The following RBFOX1 variants were observed in gnomAD, a reference collection of about 807,000 sequenced individuals.
RBFOX1 encodes the protein RNA binding protein fox-1 homolog 1.
In RBFOX1, 8 loss-of-function variants were observed where a neutral mutation model predicts 57.7. The observed-to-expected ratio is 0.14, with a 90% CI of 0.08 to 0.25. The LOEUF (loss-of-function observed/expected upper bound fraction) is 0.25, where lower values mean the gene tolerates loss of function less well. RBFOX1 is among the 10% of genes least tolerant of loss of function. The pLI is 1.00. For synonymous variants in RBFOX1, 326 were observed against 222.4 expected, an observed-to-expected ratio of 1.47 and a Z score of -4.15; for missense variants, 611 against 548.5, an observed-to-expected ratio of 1.11 and a Z score of -1.14.
chr16:5,449,856 C>A (rs1034900725), intron 1 of RBFOX1, among the ~76,000 whole-genome samples: 4 of 152,178 alleles, frequency 2.6e-5, no homozygotes, highest in South Asian at 2.1e-4. Flanking sequence ...GATCGTCCCA[C>A]CTCAGCCTCC....
intron 1 of RBFOX1, among the ~76,000 whole-genome samples, chr16:6,149,304 C>T (rs915499612): frequency 2.0e-5 from 3 of 152,216 alleles, no homozygotes; most frequent in African/African-American, 7.2e-5. Flanking sequence ...GTCTGTTGTT[C>T]CCTTTACCAG....
At chr16:7,252,326 T>C (rs575041396) in intron 4 of RBFOX1, among the ~76,000 whole-genome samples, 1 of 152,318 alleles carries the variant, frequency 6.6e-6, no homozygotes, top group African/African-American at 2.4e-5. Context: ...ATAAGGAAAG[T>C]GGAAAACAAA....
chr16:6,230,866 G>A (rs1020255128), intron 1 of RBFOX1, among the ~76,000 whole-genome samples: 1 of 152,162 alleles, frequency 6.6e-6, no homozygotes, highest in Non-Finnish European at 1.5e-5. Context: ...TGGTGTGGAT[G>A]ATTCACTCAC....
intron 4 of RBFOX1, among the ~76,000 whole-genome samples, chr16:7,212,580 C>T (rs2091349050): frequency 6.6e-6 from 1 of 152,078 alleles, no homozygotes; most frequent in Non-Finnish European, 1.5e-5. Context: ...AGTAGTCTCA[C>T]ATCCCTTGAA....
chr16:6,990,300 G>C (rs896985756), intron 3 of RBFOX1, among the ~76,000 whole-genome samples: 26 of 152,046 alleles, frequency 1.7e-4, no homozygotes, highest in African/African-American at 6.0e-4. Flanking sequence ...CGAGGCGGGT[G>C]GGTCACCTGA....
intron 4 of RBFOX1, among the ~76,000 whole-genome samples, chr16:7,246,945 A>T (rs1375155542): frequency 6.6e-6 from 1 of 152,152 alleles, no homozygotes; most frequent in Non-Finnish European, 1.5e-5. Context: ...CAGGGATGAG[A>T]ACAGTGTCTC....
intron 4 of RBFOX1, among the ~76,000 whole-genome samples, chr16:7,427,579 C>T (rs1416712592): frequency 6.6e-6 from 1 of 152,012 alleles, no homozygotes; most frequent in Non-Finnish European, 1.5e-5. Flanking sequence ...TTCCCTTGCC[C>T]AAGCTAATTT....
intron 2 of RBFOX1, among the ~76,000 whole-genome samples, chr16:6,603,627 C>G (rs1411607540): frequency 1.3e-5 from 2 of 152,144 alleles, no homozygotes; most frequent in African/African-American, 4.8e-5. Context: ...CGGGCAGCCG[C>G]TATGTGCAGC....
chr16:6,488,660 A>G (rs1165497171), intron 2 of RBFOX1, among the ~76,000 whole-genome samples: 11 of 152,196 alleles, frequency 7.2e-5, no homozygotes, highest in Admixed American at 7.2e-4. Flanking sequence ...AGCATTTAGA[A>G]TCTGTTTACA....
chr16:5,641,396 C>G (rs770912657), intron 3 of RBFOX1, among the ~76,000 whole-genome samples: 1 of 152,188 alleles, frequency 6.6e-6, no homozygotes, highest in Admixed American at 6.5e-5. Context: ...GCTGCAGTGT[C>G]CAGTAGTAGT....
chr16:6,906,337 C>T (rs563227510), intron 3 of RBFOX1, among the ~76,000 whole-genome samples: 1 of 151,846 alleles, frequency 6.6e-6, no homozygotes, highest in African/African-American at 2.4e-5. Flanking sequence ...GTGTCTCAGG[C>T]ACTACCTAAT....
intron 3 of RBFOX1, among the ~76,000 whole-genome samples, chr16:5,732,304 G>A (rs2052404307): frequency 6.6e-6 from 1 of 152,168 alleles, no homozygotes; most frequent in Non-Finnish European, 1.5e-5. Context: ...AAGACCTGGA[G>A]CCAAGAGGGA....
Position 7,310,996 on chromosome 16 carries a change from G to T in RBFOX1, c.28-207151G>T, listed in dbSNP as rs964463628. Among the ~76,000 whole-genome samples, 6 of 152,292 alleles carry T rather than the reference G, an allele frequency of 3.9e-5. No homozygotes were observed. In the East Asian group the frequency reaches 9.6e-4, roughly 24 times the overall value. ...CTGGATTGCCTGGGAATCCTCTGCC[G>T]TGTCCGGTCTGGAATTACTCCTTCC... On this transcript the variant is annotated intron_variant, in intron 4 of 15. Coordinates refer to ENST00000550418, the MANE Select transcript of RBFOX1 (RefSeq NM_018723.4).
At chr16:5,420,930 C>A (rs1355867191) in intron 1 of RBFOX1, among the ~76,000 whole-genome samples, 1 of 130,302 alleles carries the variant, frequency 7.7e-6, no homozygotes, top group African/African-American at 3.0e-5. Flanking sequence ...CCTCCTCCTC[C>A]CCCTCCCCTT....
intron 4 of RBFOX1, among the ~76,000 whole-genome samples, chr16:7,256,702 C>T (rs1005260731): frequency 6.6e-6 from 1 of 152,178 alleles, no homozygotes. Flanking sequence ...CGCTCCCTGT[C>T]TCATTGAGAA....
intron 4 of RBFOX1, among the ~76,000 whole-genome samples, chr16:7,471,221 TA>T (rs1389838572): frequency 6.6e-6 from 1 of 152,226 alleles, no homozygotes; most frequent in Non-Finnish European, 1.5e-5. Flanking sequence ...GTTCATTGCA[TA>T]AAGTTAACAC....
chr16:7,011,310 T>C (rs1243911091), intron 3 of RBFOX1, among the ~76,000 whole-genome samples: 4 of 152,208 alleles, frequency 2.6e-5, no homozygotes, highest in African/African-American at 9.6e-5. Context: ...ATTTTCACTT[T>C]GCAGAAGGAG....
chr16:6,668,113 G>C (rs1238516430), intron 3 of RBFOX1, among the ~76,000 whole-genome samples: 1 of 152,148 alleles, frequency 6.6e-6, no homozygotes, highest in African/African-American at 2.4e-5. Flanking sequence ...GTATCCTGTA[G>C]CTACTTCTCA....
intron 3 of RBFOX1, among the ~76,000 whole-genome samples, chr16:6,981,778 G>C (rs142960277): frequency 1.3e-5 from 2 of 152,100 alleles, no homozygotes; most frequent in Middle Eastern, 3.2e-3. Flanking sequence ...GTTCCCCCAG[G>C]ACATGTGGGA....
Sources: allele counts gnomAD v4.1 joint callset (sites outside exome capture counted in the v4.1 genomes callset), GRCh38; gene constraint gnomAD v4.1.1; transcripts MANE v1.5; gene names NCBI Gene and HGNC (gene_info 2026-07-23, HGNC 2026-07-21).